The following WDR97 variants were observed in gnomAD, a reference collection of about 807,000 sequenced individuals.
The protein encoded by WDR97 is WD repeat-containing protein 97.
A neutral mutation model predicts 65.4 loss-of-function variants in WDR97; 111 were observed. The ratio of observed to expected loss-of-function variants is 1.70; its 90% CI spans 1.45 to 1.99. The LOEUF is 1.99. WDR97 is among the 30% of genes most tolerant of loss of function. The pLI is 0.00. For synonymous variants in WDR97, 802 were observed against 397.7 expected, an observed-to-expected ratio of 2.02 and a Z score of -12.10; for missense variants, 1,674 against 865.0, an observed-to-expected ratio of 1.94 and a Z score of -11.73.
chr8:144,110,309 G>A (rs1025602833), intron 6 of WDR97, 32 bp from the exon 7 acceptor site: 4 of 702,098 alleles, frequency 5.7e-6, no homozygotes, highest in Non-Finnish European at 1.0e-5. Flanking sequence ...CCTCCCCTCC[G>A]ACAAGGCCCA....
Position 144,109,573 on chromosome 8 carries a change from G to T in WDR97, c.1239G>T (p.Glu413Asp). 1 of 694,568 alleles carries T rather than the reference G, an allele frequency of 1.4e-6. No individual in the cohort carries two copies. The highest frequency in any genetic ancestry group is 2.6e-6 in the Non-Finnish European group (1 of 381,278). 43.0% of individuals were successfully genotyped at this position (694,568 alleles called of 1,614,324 possible). ...ASSMQLWRVR[E>D]LYSPLAQLPA... ...GCATGCAGCTGTGGCGCGTACGCGA[G>T]CTCTACTCGCCGTTGGCGCAACTGC... Residue 413 changes from glutamate (E) to aspartate (D), a missense_variant, in exon 5 of 24, where the codon GAG (glutamate) becomes GAT (aspartate). Coordinates refer to ENST00000323662, the MANE Select transcript of WDR97 (RefSeq NM_001316309.2).
In WDR97 at chr8:144,114,154, A is replaced by C; in HGVS notation, c.3586A>C (p.Ser1196Arg). 1 of 702,678 alleles carries C rather than the reference A, an allele frequency of 1.4e-6. No individual in the cohort carries two copies. The highest frequency in any genetic ancestry group is 2.6e-6 in the Non-Finnish European group (1 of 384,856). 43.5% of individuals were successfully genotyped at this position (702,678 alleles called of 1,614,324 possible). A position where few individuals can be genotyped will look rare whatever the true frequency, so the allele number is the denominator to read the frequency against. Residue 1196 changes from serine (S) to arginine (R), a missense_variant, in exon 18 of 24, where the codon AGC (serine) becomes CGC (arginine). By Grantham distance (110) the Ser-to-Arg change is moderately radical. Transcript: ENST00000323662. ...TWFKKLFPIF[S>R]LQAYPEAGTI... is the part of the protein sequence containing the mutation. ...GTTCAAAAAGTTGTTCCCCATCTTC[A>C]GCCTGCAGGTTGGAGGGAACTGGGG...
In WDR97 at chr8:144,114,534, A is replaced by C; in HGVS notation, c.3793-20A>C. On this transcript the variant is annotated intron_variant, in intron 19 of 23. Coordinates refer to ENST00000323662, the MANE Select transcript of WDR97 (RefSeq NM_001316309.2). ...CCGCCCACCGGCCCTCAGCAACCAC[A>C]TCCCCACCGCCTGCCTCAGGACCAG... The C allele has an allele frequency of 1.4e-6, 1 of 701,514 alleles. No homozygotes were observed. Among genetic ancestry groups the C allele is most frequent in the Non-Finnish European group, 2.6e-6 (1 of 384,596 alleles). 43.5% of individuals were successfully genotyped at this position (701,514 alleles called of 1,614,324 possible).
Position 144,116,606 on chromosome 8 carries a change from C to G in WDR97, c.*313C>G, listed in dbSNP as rs1836673493. The G allele has an allele frequency of 3.5e-6, 1 of 283,944 alleles. No individual in the cohort carries two copies. Among genetic ancestry groups the G allele is most frequent in the Admixed American group, 5.1e-5 (1 of 19,720 alleles). 17.6% of individuals were successfully genotyped at this position (283,944 alleles called of 1,614,324 possible). A position where few individuals can be genotyped will look rare whatever the true frequency, so the allele number is the denominator to read the frequency against. On this transcript the variant is annotated 3_prime_UTR_variant, in exon 24 of 24. Transcript: ENST00000323662. ...TGAGCAAACGTTTTCTGCTCAAGTACTAGGTGTTGAGATGCGGGCTGACCT... is the reference window on the plus strand; with the variant it reads ...TGAGCAAACGTTTTCTGCTCAAGTAGTAGGTGTTGAGATGCGGGCTGACCT...
rs1255514243 is a variant in WDR97, at chr8:144,108,692, GGCT to G, written c.633_635del (p.Leu212del). On this transcript the variant is annotated inframe_deletion, in exon 3 of 24. Coordinates refer to ENST00000323662, the MANE Select transcript of WDR97 (RefSeq NM_001316309.2). ...TGCTGCCTGCCGGTTCCCGACCTCA[GGCT>G]GCTGCTCGTTGCGGAGATGAACAGC... 1 of 700,954 alleles carries G rather than the reference GGCT, an allele frequency of 1.4e-6. No individual in the cohort carries two copies. The highest frequency in any genetic ancestry group is 2.6e-6 in the Non-Finnish European group (1 of 384,534). The allele number at this position is 700,954 out of a possible 1,614,324, so 43.4% of individuals were successfully genotyped here.
rs763663842 is a variant in WDR97 at position 144,107,809 on chromosome 8, A to G, written c.59A>G (p.Tyr20Cys). Residue 20 changes from tyrosine to cysteine, a missense_variant, in exon 1 of 24, where the codon TAT becomes TGT. Physicochemically the swap from Tyr to Cys is radical, Grantham distance 194. Coordinates refer to ENST00000323662, the MANE Select transcript of WDR97 (RefSeq NM_001316309.2). ...GYNLVLDSDLYDADGYDVPDP... is the reference protein window; with the variant it reads ...GYNLVLDSDLCDADGYDVPDP... ...AACCTAGTTCTGGACTCGGACCTGT[A>G]TGATGCGGATGGCTATGATGTCCCA... is the stretch of plus-strand genomic sequence containing the variant. 7.7e-5 allele frequency: 54 copies of G among 702,724 alleles called. No individual in the cohort carries two copies. In the Admixed American group the frequency reaches 1.0e-3, roughly 13 times the overall value. 43.5% of individuals were successfully genotyped at this position (702,724 alleles called of 1,614,324 possible).
chr8:144,110,898 G>A lies in WDR97; in HGVS notation c.2206G>A (p.Ala736Thr), dbSNP rs1336361692. 1.4e-5 allele frequency: 10 copies of A among 702,770 alleles called. No homozygotes were observed. Among genetic ancestry groups the A allele is most frequent in the Middle Eastern group, 4.6e-4 (2 of 4,392 alleles). The allele number at this position is 702,770 out of a possible 1,614,324, so 43.5% of individuals were successfully genotyped here. ...LQLNGAPQALAFCSNSGDLVL... is the reference protein window; with the variant it reads ...LQLNGAPQALTFCSNSGDLVL... ...GCTGAATGGTGCCCCTCAGGCCCTG[G>A]CTTTCTGCAGCAACAGTGGAGACCT... The change falls in exon 9 of 24, where the codon GCT (alanine) becomes ACT (threonine). Residue 736 changes from alanine to threonine, a missense_variant. Physicochemically the swap from Ala to Thr is moderately conservative, Grantham distance 58. Coordinates refer to ENST00000323662, the MANE Select transcript of WDR97 (RefSeq NM_001316309.2).
intron 21 of WDR97, 80 bp from the exon 22 acceptor site, chr8:144,115,261 C>T (rs1836627330): frequency 3.5e-6 from 2 of 572,726 alleles, no homozygotes; most frequent in Middle Eastern, 3.2e-4. Flanking sequence ...ATGGAAAGCT[C>T]GCAGCCACTG....
At position 144,118,063 on chromosome 8, in the gene WDR97, A is replaced by T. The variant is rs1814805689; in HGVS notation, c.*1770A>T. The T allele has an allele frequency of 1.3e-5, 2 of 152,250 alleles. No homozygotes were observed. Among genetic ancestry groups the T allele is most frequent in the Admixed American group, 1.3e-4 (2 of 15,286 alleles). 9.4% of individuals were successfully genotyped at this position (152,250 alleles called of 1,614,324 possible). A position where few individuals can be genotyped will look rare whatever the true frequency, so the allele number is the denominator to read the frequency against. The stretch of plus-strand genomic sequence containing the variant: ...GTTCCCCAACATTATAACAAGGGAT[A>T]TGGGAGTTATAAGCCAGGAACTGTG... On this transcript the variant is annotated 3_prime_UTR_variant, in exon 24 of 24. Coordinates refer to ENST00000323662, the MANE Select transcript of WDR97 (RefSeq NM_001316309.2).
chr8:144,117,360 CT>C lies in WDR97; in HGVS notation c.*1072del, dbSNP rs1241370452. On this transcript the variant is annotated 3_prime_UTR_variant, in exon 24 of 24. Transcript: ENST00000323662. ...GAGTCTGTCACTAGAGGACTTGACA[CT>C]TTTTATAAAAAAAATGAGTAAACCT... The C allele has an allele frequency of 1.3e-5, 2 of 152,192 alleles. No homozygotes were observed. The highest frequency in any genetic ancestry group is 2.9e-5 in the Non-Finnish European group (2 of 68,052). The allele number at this position is 152,192 out of a possible 1,614,324, so 9.4% of individuals were successfully genotyped here. A position where few individuals can be genotyped will look rare whatever the true frequency, so the allele number is the denominator to read the frequency against.
Position 144,112,449 on chromosome 8 carries a change from C to G in WDR97, c.3024C>G (p.Ile1008Met), listed in dbSNP as rs1836570195. The G allele has an allele frequency of 4.3e-6, 3 of 702,544 alleles. No homozygotes were observed. The highest frequency in any genetic ancestry group is 7.8e-6 in the Non-Finnish European group (3 of 384,920). The allele number at this position is 702,544 out of a possible 1,614,324, so 43.5% of individuals were successfully genotyped here. A position where few individuals can be genotyped will look rare whatever the true frequency, so the allele number is the denominator to read the frequency against. The change falls in exon 15 of 24, where the codon ATC (isoleucine) becomes ATG (methionine). Residue 1008 changes from isoleucine (I) to methionine (M), a missense_variant and splice_region_variant. Transcript: ENST00000323662. The part of the protein sequence containing the change: ...DLPSSHLQCR[I>M]PLLPKRWDKE... ...TGAGCCCCCATTCCATCCCCCAGAT[C>G]CCACTGCTGCCAAAGAGATGGGACA...
At position 144,112,131 on chromosome 8, in the gene WDR97, G is replaced by T; in HGVS notation, c.2882G>T (p.Ser961Ile). ...CCACCCACCCACCGTAGGGTGCACA[G>T]CAAGGCATCCCAGGTGAGGCTTCCC... Reference protein sequence around the residue: ...PIPPTHRRVHSKASQLLARSS... With the variant: ...PIPPTHRRVHIKASQLLARSS... The change falls in exon 13 of 24, where the codon AGC (serine) becomes ATC (isoleucine). Residue 961 changes from serine (S) to isoleucine (I), a missense_variant. Transcript: ENST00000323662. 1.4e-6 allele frequency: 1 copy of T among 702,100 alleles called. No individual in the cohort carries two copies. Among genetic ancestry groups the T allele is most frequent in the Non-Finnish European group, 2.6e-6 (1 of 384,594 alleles). 43.5% of individuals were successfully genotyped at this position (702,100 alleles called of 1,614,324 possible).
At position 144,111,101 on chromosome 8, in the gene WDR97, A is replaced by G; in HGVS notation, c.2305A>G (p.Lys769Glu). 1 of 702,754 alleles carries G rather than the reference A, an allele frequency of 1.4e-6. No individual in the cohort carries two copies. The highest frequency in any genetic ancestry group is 1.5e-5 in the South Asian group (1 of 67,596). The allele number at this position is 702,754 out of a possible 1,614,324, so 43.5% of individuals were successfully genotyped here. A position where few individuals can be genotyped will look rare whatever the true frequency, so the allele number is the denominator to read the frequency against. Residue 769 changes from lysine (K) to glutamate (E), a missense_variant and splice_region_variant, in exon 10 of 24, where the codon AAG (lysine) becomes GAG (glutamate). Transcript: ENST00000323662. ...GATACAGGCTCCTTCCCCTATTCAG[A>G]AGATGTGCCGGAAGGCCCCAGACGT... is the stretch of plus-strand genomic sequence containing the variant. ...LYLPTSYLVK[K>E]MCRKAPDVVD...
At position 144,108,802 on chromosome 8, in the gene WDR97, A is replaced by G. The variant is rs1836475352; in HGVS notation, c.736A>G (p.Thr246Ala). The change falls in exon 3 of 24, where the codon ACA becomes GCA. Residue 246 changes from threonine (T) to alanine (A), a missense_variant. Physicochemically the swap from Thr to Ala is moderately conservative, Grantham distance 58 (BLOSUM62 0). Coordinates refer to ENST00000323662, the MANE Select transcript of WDR97 (RefSeq NM_001316309.2). ...GSALHPPPSP[T>A]GRLMRLAVAP... ...AGCACTGCACCCGCCCCCGAGCCCA[A>G]CAGGCAGGCTCATGCGTCTGGCTGT... The G allele has an allele frequency of 1.4e-6, 1 of 702,672 alleles. No homozygotes were observed. Among genetic ancestry groups the G allele is most frequent in the South Asian group, 1.5e-5 (1 of 67,590 alleles). The allele number at this position is 702,672 out of a possible 1,614,324, so 43.5% of individuals were successfully genotyped here.
At position 144,112,256 on chromosome 8, in the gene WDR97, G is replaced by A; in HGVS notation, c.2928G>A (p.Leu976=). ...LLARSSLSHY[L]GISLDLQLQL... is the part of the protein sequence containing the mutation. ...CCCGCTCCTCACTGAGCCACTACCT[G>A]GGCATCAGTCTGGATCTGCAGCTGC... Residue 976 remains leucine, a synonymous_variant, in exon 14 of 24, where the codon CTG becomes CTA. Coordinates refer to ENST00000323662, the MANE Select transcript of WDR97 (RefSeq NM_001316309.2). 1.4e-6 allele frequency: 1 copy of A among 702,768 alleles called. No homozygotes were observed. The highest frequency in any genetic ancestry group is 2.6e-6 in the Non-Finnish European group (1 of 384,966). The allele number at this position is 702,768 out of a possible 1,614,324, so 43.5% of individuals were successfully genotyped here.
rs748127215 is a variant in WDR97 at position 144,110,501 on chromosome 8, C to T, written c.2004C>T (p.Gly668=). ...AGGACCCAGACAGCGCTACCTACGG[C>T]CTGGTGCAGTTTGGCCTGGGCGACA... ...GFEDPDSATY[G]LVQFGLGDSP... is the part of the protein sequence containing the mutation. The change falls in exon 7 of 24, where the codon GGC becomes GGT. Residue 668 remains glycine (G), a synonymous_variant. Transcript: ENST00000323662. 7 of 702,886 alleles carry T rather than the reference C, an allele frequency of 1.0e-5. No homozygotes were observed. Among genetic ancestry groups the T allele is most frequent in the South Asian group, 8.9e-5 (6 of 67,610 alleles). 43.5% of individuals were successfully genotyped at this position (702,886 alleles called of 1,614,324 possible).
Position 144,110,879 on chromosome 8 carries a change from T to C in WDR97, c.2187T>C (p.Asn729=). 1.4e-6 allele frequency: 1 copy of C among 702,914 alleles called. No homozygotes were observed. The highest frequency in any genetic ancestry group is 2.6e-6 in the Non-Finnish European group (1 of 384,980). The allele number at this position is 702,914 out of a possible 1,614,324, so 43.5% of individuals were successfully genotyped here. The change falls in exon 9 of 24, where the codon AAT becomes AAC. Residue 729 remains asparagine (N), a synonymous_variant. Coordinates refer to ENST00000323662, the MANE Select transcript of WDR97 (RefSeq NM_001316309.2). ...GCCTCTCCAGGCTCCTGCAGCTGAA[T>C]GGTGCCCCTCAGGCCCTGGCTTTCT... is the stretch of plus-strand genomic sequence containing the variant. The part of the protein sequence containing the change: ...ENRLLRLLQL[N]GAPQALAFCS...
Position 144,116,203 on chromosome 8 carries a change from GC to G in WDR97, c.4784del (p.Pro1595ArgfsTer81). Reference protein sequence around the residue: ...PQPFPLDWPMPPRPLPPRLLQ... With the variant: ...PQPFPLDWPMXPRPLPPRLLQ... ...AGCCTTTCCCCCTGGACTGGCCTAT[GC>G]CCCCGCGCCCGCTGCCCCCGCGGCT... On this transcript the variant is annotated frameshift_variant, in exon 24 of 24. Coordinates refer to ENST00000323662, the MANE Select transcript of WDR97 (RefSeq NM_001316309.2). LOFTEE classifies it low-confidence loss of function (END_TRUNC). 1 of 689,292 alleles carries G rather than the reference GC, an allele frequency of 1.5e-6. No individual in the cohort carries two copies. The highest frequency in any genetic ancestry group is 2.1e-5 in the Admixed American group (1 of 47,220). 42.7% of individuals were successfully genotyped at this position (689,292 alleles called of 1,614,324 possible).
rs1171415134 is a variant in WDR97, at chr8:144,108,654, T to C, written c.588T>C (p.Gly196=). ...AGCAGGGGGTGGGCAGGGCCCCGGG[T>C]TGGGCGCCCACCTGCTGCCTGCCGG... ...LSEQGVGRAP[G]WAPTCCLPVP... The change falls in exon 3 of 24, where the codon GGT becomes GGC. Residue 196 remains glycine (G), a synonymous_variant. Coordinates refer to ENST00000323662, the MANE Select transcript of WDR97 (RefSeq NM_001316309.2). 1 of 700,388 alleles carries C rather than the reference T, an allele frequency of 1.4e-6. No homozygotes were observed. The highest frequency in any genetic ancestry group is 2.6e-6 in the Non-Finnish European group (1 of 384,380). 43.4% of individuals were successfully genotyped at this position (700,388 alleles called of 1,614,324 possible).
Sources: allele counts gnomAD v4.1 joint callset, GRCh38; gene constraint gnomAD v4.1.1; transcripts MANE v1.5; gene names NCBI Gene and HGNC (gene_info 2026-07-23, HGNC 2026-07-21).